Variants in CSMD1 observed in about 807,000 individuals in gnomAD.
The protein encoded by CSMD1 is CUB and sushi domain-containing protein 1.
A neutral mutation model predicts 417.5 loss-of-function variants in CSMD1; 213 were observed. That is an observed-to-expected ratio of 0.51 (90% confidence interval 0.46 to 0.57). The LOEUF is 0.57. Among genes scored for constraint, CSMD1 ranks in the 20% least tolerant of loss-of-function variants. CSMD1 has a pLI of 0.00. For missense variants in CSMD1, 6,923 were observed against 4,529.7 expected (o/e 1.53, Z -15.17); for synonymous variants, 2,862 against 1,736.8 (o/e 1.65, Z -16.11).
At chr8:3,934,528 G>C (rs2059583) in intron 5 of CSMD1, among the ~76,000 whole-genome samples, 15 of 152,124 alleles carry the variant, frequency 9.9e-5, no homozygotes, top group Admixed American at 1.3e-4. Context: ...ACCTAAACAA[G>C]TGCTGCCTTT....
rs1804026231 is a variant in CSMD1, at chr8:4,890,302, C to T, written c.85+104030G>A. Among the ~76,000 whole-genome samples the T allele has an allele frequency of 2.0e-5, 3 of 152,086 alleles. 1 individual carries two copies. Among genetic ancestry groups the T allele is most frequent in the Admixed American group, 1.3e-4 (2 of 15,286 alleles). On this transcript the variant is annotated intron_variant, in intron 1 of 69. Transcript: ENST00000635120. ...GAAATGCAAATGTCTACGAAGTAAG[C>T]TGAAAAGGAGAGAGAACCTCCAGGT...
intron 1 of CSMD1, among the ~76,000 whole-genome samples, chr8:4,905,116 T>C (rs906514427): frequency 3.9e-5 from 6 of 152,166 alleles, no homozygotes. Context: ...GTGCTCTATA[T>C]ACTCAACTTT....
intron 4 of CSMD1, among the ~76,000 whole-genome samples, chr8:4,014,901 C>T (rs1011412541): frequency 6.6e-6 from 1 of 152,072 alleles, no homozygotes; most frequent in Non-Finnish European, 1.5e-5. Flanking sequence ...TGGGCAGAGC[C>T]ACTTCTGATT....
intron 21 of CSMD1, among the ~76,000 whole-genome samples, chr8:3,358,006 G>A (rs1808906244): frequency 6.6e-6 from 1 of 152,120 alleles, no homozygotes; most frequent in African/African-American, 2.4e-5. Flanking sequence ...TTTATCATTT[G>A]AGTTACATAA....
Position 3,103,359 on chromosome 8 carries a change from C to A in CSMD1, c.6949+3169G>T, listed in dbSNP as rs141015164. On this transcript the variant is annotated intron_variant, in intron 46 of 69. Transcript: ENST00000635120. ...AGTTTGGTCCAGGAACACTTAAACA[C>A]ACCCAGATGGTACAGCCTGCTACAC... is the stretch of plus-strand genomic sequence containing the variant. Among the ~76,000 whole-genome samples, 947 of 152,240 alleles carry A rather than the reference C, an allele frequency of 6.2e-3. 6 individuals carry two copies. Among genetic ancestry groups the A allele is most frequent in the South Asian group, 0.018 (85 of 4,830 alleles).
At chr8:2,953,177 G>A (rs1802752308) in intron 65 of CSMD1, among the ~76,000 whole-genome samples, 1 of 152,056 alleles carries the variant, frequency 6.6e-6, no homozygotes, top group South Asian at 2.1e-4. Flanking sequence ...CATGTTGCCT[G>A]GATAAAGAGC....
In CSMD1 at chr8:3,780,220, C is replaced by T. The variant is rs117082573; in HGVS notation, c.819-26178G>A. 2.5e-3 allele frequency among the ~76,000 whole-genome samples: 386 copies of T among 152,324 alleles called. 1 individual carries two copies. The highest frequency in any genetic ancestry group is 4.6e-3 in the South Asian group (22 of 4,832). On this transcript the variant is annotated intron_variant, in intron 5 of 69. Coordinates refer to ENST00000635120, the MANE Select transcript of CSMD1 (RefSeq NM_033225.6). ...TCCTTTATCTCCCTCTGTAAGTACA[C>T]TGGCATTAATCAAATCAGCATTGTC...
chr8:4,572,451 C>G (rs1563298297), intron 2 of CSMD1, among the ~76,000 whole-genome samples: 2 of 152,214 alleles, frequency 1.3e-5, no homozygotes, highest in African/African-American at 2.4e-5. Context: ...GGCCCCCACT[C>G]TCTTCTGGCT....
chr8:3,645,892 A>G (rs1797548546), intron 7 of CSMD1, among the ~76,000 whole-genome samples: 1 of 152,246 alleles, frequency 6.6e-6, no homozygotes, highest in African/African-American at 2.4e-5. Flanking sequence ...ACATATGAAT[A>G]CTATAATTTT....
intron 1 of CSMD1, among the ~76,000 whole-genome samples, chr8:4,692,333 G>C (rs180993594): frequency 4.6e-5 from 7 of 152,252 alleles, no homozygotes; most frequent in African/African-American, 1.4e-4. Flanking sequence ...AAAAAAGAAT[G>C]TATTAAAAAC....
rs1344381733 is a variant in CSMD1 at position 3,644,977 on chromosome 8, A to AT, written c.1010-28181_1010-28180insA. Among the ~76,000 whole-genome samples, 7 of 150,854 alleles carry AT rather than the reference A, an allele frequency of 4.6e-5. No individual in the cohort carries two copies. The East Asian group carries it at 5.8e-4, about 13-fold the overall frequency. ...CTAAGGCTTTAAATGAAAAAAAAAA[A>AT]AAAAAAAAAAAAAAGTCAATTGTTC... On this transcript the variant is annotated intron_variant, in intron 7 of 69. Coordinates refer to ENST00000635120, the MANE Select transcript of CSMD1 (RefSeq NM_033225.6).
intron 4 of CSMD1, among the ~76,000 whole-genome samples, chr8:4,017,322 G>A (rs543297468): frequency 7.2e-5 from 11 of 151,934 alleles, no homozygotes; most frequent in Non-Finnish European, 1.5e-4. Flanking sequence ...TTAGGGGAGG[G>A]AGGACAAAGT....
intron 5 of CSMD1, among the ~76,000 whole-genome samples, chr8:3,975,485 G>C (rs2688283): frequency 0.3 from 45,775 of 151,938 alleles, 7,035 homozygotes; most frequent in East Asian, 0.41. Context: ...GAGTGACACT[G>C]TCTCCATCAA....
intron 10 of CSMD1, among the ~76,000 whole-genome samples, chr8:3,532,064 G>A (rs374231447): frequency 6.6e-6 from 1 of 152,206 alleles, no homozygotes; most frequent in Non-Finnish European, 1.5e-5. Flanking sequence ...ACTGCCTCAT[G>A]ATTAGCTCGT....
intron 3 of CSMD1, among the ~76,000 whole-genome samples, chr8:4,143,371 CTTTTT>C (rs71534385): frequency 1.8e-5 from 2 of 112,932 alleles, no homozygotes; most frequent in African/African-American, 3.1e-5. Flanking sequence ...CGTCTTATCC[CTTTTT>C]TTTTTTTTTT....
chr8:3,489,138 AC>A (rs1818224328), intron 11 of CSMD1, among the ~76,000 whole-genome samples: 1 of 152,134 alleles, frequency 6.6e-6, no homozygotes, highest in East Asian at 1.9e-4. Context: ...AGAGAATGAT[AC>A]CCTTTGACTC....
At chr8:3,462,129 C>T (rs995940193) in intron 12 of CSMD1, among the ~76,000 whole-genome samples, 2 of 152,092 alleles carry the variant, frequency 1.3e-5, no homozygotes, top group Non-Finnish European at 2.9e-5. Flanking sequence ...CAGGCCCCCC[C>T]CCCCACCTCC....
At chr8:4,375,947 G>A (rs1459612349) in intron 3 of CSMD1, among the ~76,000 whole-genome samples, 2 of 152,144 alleles carry the variant, frequency 1.3e-5, no homozygotes, top group Non-Finnish European at 2.9e-5. Flanking sequence ...AGAGTTTCCT[G>A]GCAACCTCCA....
intron 5 of CSMD1, among the ~76,000 whole-genome samples, chr8:3,969,983 G>C (rs1812968432): frequency 6.6e-6 from 1 of 152,166 alleles, no homozygotes; most frequent in Admixed American, 6.5e-5. Flanking sequence ...AGAGTTGTCA[G>C]TCAACATTTG....
Sources: allele counts gnomAD v4.1 joint callset (sites outside exome capture counted in the v4.1 genomes callset), GRCh38; gene constraint gnomAD v4.1.1; transcripts MANE v1.5; gene names NCBI Gene and HGNC (gene_info 2026-07-23, HGNC 2026-07-21).